SYT16: variants seen among roughly 807,000 people sequenced by gnomAD.
SYT16 encodes synaptotagmin 16.
Under a neutral mutation model 61.4 loss-of-function variants are expected in SYT16, and 42 were observed. The observed-to-expected ratio is 0.68, with a 90% CI of 0.53 to 0.89. SYT16 has a LOEUF of 0.89. Among genes scored for constraint, SYT16 ranks in the 40% least tolerant of loss-of-function variants. SYT16 has a pLI of 0.00. For missense variants in SYT16, 804 were observed against 807.3 expected (o/e 1.00, Z 0.05); for synonymous variants, 314 against 302.3 (o/e 1.04, Z -0.40).
At position 62,104,133 on chromosome 14, in the gene SYT16, C is replaced by T. The variant is rs1449380106; in HGVS notation, c.*3426C>T. On this transcript the variant is annotated 3_prime_UTR_variant, in exon 8 of 8. Coordinates refer to ENST00000683842, the MANE Select transcript of SYT16 (RefSeq NM_001367656.1). ...AATCAAAGTGCTTCTCTGATAGCCA[C>T]CAATTTGATTTAATTGATGATTCGG... The T allele has an allele frequency of 6.6e-6, 1 of 152,182 alleles. No homozygotes were observed. Among genetic ancestry groups the T allele is most frequent in the Non-Finnish European group, 1.5e-5 (1 of 68,042 alleles). The allele number at this position is 152,182 out of a possible 1,614,324, so 9.4% of individuals were successfully genotyped here. A position where few individuals can be genotyped will look rare whatever the true frequency, so the allele number is the denominator to read the frequency against.
At chr14:61,961,073 A>T (rs528414795) in intron 1 of SYT16, among the ~76,000 whole-genome samples, 5 of 152,326 alleles carry the variant, frequency 3.3e-5, no homozygotes, top group Admixed American at 2.6e-4. Context: ...ATGTGCAGGA[A>T]ATTAAAACGG....
chr14:61,830,990 A>C (rs575458825), intron 1 of SYT16, among the ~76,000 whole-genome samples: 1 of 152,192 alleles, frequency 6.6e-6, no homozygotes, highest in Non-Finnish European at 1.5e-5. Flanking sequence ...TATATTCACA[A>C]GGGTTCTGTC....
chr14:62,068,143 C>A (rs976981824), intron 3 of SYT16, among the ~76,000 whole-genome samples: 1 of 152,120 alleles, frequency 6.6e-6, no homozygotes, highest in Non-Finnish European at 1.5e-5. Context: ...AAGGAAACAA[C>A]CTAAGTGTCC....
At chr14:62,021,575 G>A (rs1298724095) in intron 3 of SYT16, among the ~76,000 whole-genome samples, 1 of 151,782 alleles carries the variant, frequency 6.6e-6, no homozygotes, top group Non-Finnish European at 1.5e-5. Flanking sequence ...TTCCCCCAAT[G>A]GCTTAAGTCT....
chr14:62,078,171 A>ATATATATAT (rs745673892), intron 5 of SYT16, among the ~76,000 whole-genome samples: 3 of 140,300 alleles, frequency 2.1e-5, no homozygotes, highest in African/African-American at 8.3e-5. Context: ...ATATATATAT[A>ATATATATAT]AACACACACA....
At chr14:61,910,162 A>C (rs1463535742) in intron 1 of SYT16, among the ~76,000 whole-genome samples, 1 of 152,118 alleles carries the variant, frequency 6.6e-6, no homozygotes, top group Non-Finnish European at 1.5e-5. Flanking sequence ...TATGCCCTCC[A>C]ACTCTGTTAT....
intron 2 of SYT16, among the ~76,000 whole-genome samples, chr14:61,993,408 TC>T (rs1270754278): frequency 4.6e-5 from 7 of 151,884 alleles, no homozygotes; most frequent in African/African-American, 1.7e-4. Context: ...TGCACATGTA[TC>T]CCAGAACTGA....
rs1271045216 is a variant in SYT16, at chr14:62,107,810, G to T, written c.*7103G>T. 6.6e-6 allele frequency: 1 copy of T among 152,160 alleles called. No homozygotes were observed. The highest frequency in any genetic ancestry group is 1.9e-4 in the East Asian group (1 of 5,192). 9.4% of individuals were successfully genotyped at this position (152,160 alleles called of 1,614,324 possible). ...GGAGGAAATGCATCATTCCATTCCAGCAGTGAAAAGAATTATAGCATCAAA... is the reference window on the plus strand; with the variant it reads ...GGAGGAAATGCATCATTCCATTCCATCAGTGAAAAGAATTATAGCATCAAA... On this transcript the variant is annotated 3_prime_UTR_variant, in exon 8 of 8. Transcript: ENST00000683842.
At chr14:62,061,663 G>A (rs541505964) in intron 3 of SYT16, among the ~76,000 whole-genome samples, 3 of 152,248 alleles carry the variant, frequency 2.0e-5, no homozygotes, top group Non-Finnish European at 2.9e-5. Context: ...AGTATGTTTT[G>A]TAGTGGTAAA....
intron 1 of SYT16, among the ~76,000 whole-genome samples, chr14:61,941,657 G>A (rs1286117130): frequency 6.6e-6 from 1 of 152,090 alleles, no homozygotes; most frequent in Non-Finnish European, 1.5e-5. Flanking sequence ...ATCTAGTCAA[G>A]TGGAATCTCT....
At chr14:62,012,726 T>C (rs1040423103) in intron 3 of SYT16, among the ~76,000 whole-genome samples, 1 of 152,106 alleles carries the variant, frequency 6.6e-6, no homozygotes, top group Non-Finnish European at 1.5e-5. Flanking sequence ...TTTTTTTAGG[T>C]GAGGAAATTA....
At chr14:62,092,398 T>G (rs1473134137) in intron 7 of SYT16, among the ~76,000 whole-genome samples, 1 of 152,068 alleles carries the variant, frequency 6.6e-6, no homozygotes, top group Non-Finnish European at 1.5e-5. Context: ...TCCAAGGAAT[T>G]GAAAGCAGGG....
At position 62,092,281 on chromosome 14, in the gene SYT16, AG is replaced by A. The variant is rs536331806; in HGVS notation, c.1624+7898del. 4.4e-4 allele frequency among the ~76,000 whole-genome samples: 67 copies of A among 151,916 alleles called. 2 individuals are homozygous for A. Among genetic ancestry groups the A allele is most frequent in the Admixed American group, 4.1e-3 (63 of 15,230 alleles). ...ATTGGAGCCCTTGTCCATTACTGGT[AG>A]GAATGTAAAATGGTACAGCTCCTAT... is the stretch of plus-strand genomic sequence containing the variant. On this transcript the variant is annotated intron_variant, in intron 7 of 7. Transcript: ENST00000683842.
chr14:61,966,027 A>T (rs2051301870), intron 1 of SYT16, among the ~76,000 whole-genome samples: 1 of 151,426 alleles, frequency 6.6e-6, no homozygotes, highest in South Asian at 2.1e-4. Context: ...TGGAGCATTA[A>T]GGCTAAAAGG....
At chr14:61,837,817 C>T (rs760839244) in intron 1 of SYT16, among the ~76,000 whole-genome samples, 1 of 152,194 alleles carries the variant, frequency 6.6e-6, no homozygotes, top group Non-Finnish European at 1.5e-5. Flanking sequence ...ACTGTACTTC[C>T]TCAGATGTCG....
chr14:61,991,330 T>TTGTGTGTGTGTG (rs71117861), intron 2 of SYT16, among the ~76,000 whole-genome samples: 1,630 of 146,458 alleles, frequency 0.011, 29 homozygotes, highest in African/African-American at 0.032. Flanking sequence ...TGTTTTTCAT[T>TTGTGTGTGTGTG]TGTGTGTGTG....
intron 1 of SYT16, among the ~76,000 whole-genome samples, chr14:61,942,390 A>G (rs1297562719): frequency 2.0e-5 from 3 of 152,240 alleles, no homozygotes; most frequent in Admixed American, 6.5e-5. Flanking sequence ...GTGTCAGGCT[A>G]GTTTACCATG....
intron 3 of SYT16, among the ~76,000 whole-genome samples, chr14:62,017,747 G>T (rs1168242813): frequency 6.6e-6 from 1 of 151,178 alleles, no homozygotes; most frequent in Admixed American, 6.6e-5. Flanking sequence ...TTGAAATGAG[G>T]TCTTATGCTG....
At position 61,964,193 on chromosome 14, in the gene SYT16, G is replaced by A. The variant is rs538819849; in HGVS notation, c.-324-5939G>A. 5.9e-5 allele frequency among the ~76,000 whole-genome samples: 9 copies of A among 152,124 alleles called. No homozygotes were observed. The South Asian group carries it at 1.9e-3, about 32-fold the overall frequency. ...GCTCATTATTTAAGAAATATGTTTT[G>A]CAAGGCTATAACTTCCATAGATAGT... On this transcript the variant is annotated intron_variant, in intron 1 of 7. Coordinates refer to ENST00000683842, the MANE Select transcript of SYT16 (RefSeq NM_001367656.1).
Sources: gnomAD v4.1 joint callset for allele counts (sites outside exome capture counted in the v4.1 genomes callset) on GRCh38, gnomAD v4.1.1 for gene constraint, MANE v1.5 for transcripts, NCBI Gene and HGNC (gene_info 2026-07-23, HGNC 2026-07-21) for gene names.